The following NRG1 variants were observed in gnomAD, a reference collection of about 807,000 sequenced individuals.
NRG1 encodes neuregulin 1, also known as pro-neuregulin-1, membrane-bound isoform.
In NRG1, 18 loss-of-function variants were observed where a neutral mutation model predicts 63.8. The ratio of observed to expected loss-of-function variants is 0.28; its 90% CI spans 0.19 to 0.42. The LOEUF (loss-of-function observed/expected upper bound fraction) is 0.42. Ranked by LOEUF, NRG1 falls within the 10% of genes least tolerant of loss-of-function variation. The probability of loss-of-function intolerance (pLI) is 1.00; values close to 1 mark genes in which losing one functional copy is unlikely to be tolerated. For missense variants in NRG1, 762 were observed against 814.7 expected (o/e 0.94, Z 0.79); for synonymous variants, 302 against 301.3 (o/e 1.00, Z -0.02).
At chr8:32,771,715 A>AAAAAAAAAAAAT (rs1343943621), downstream of NRG1, among the ~76,000 whole-genome samples, 14 of 111,844 alleles carry the variant, frequency 1.3e-4, no homozygotes, top group Admixed American at 1.9e-4. Context: ...TTAAAAAAAA[A>AAAAAAAAAAAAT]ATATATATAT....
rs1821214601 is a variant in NRG1 at position 32,453,424 on chromosome 8, T to C, written c.38-142404T>C. The stretch of plus-strand genomic sequence containing the variant: ...CATAAACAAGCAGTAAATCACCGTA[T>C]AAGGGGTGTATGCATTAGGGCCTCC... On this transcript the variant is annotated intron_variant, in intron 1 of 10. Transcript: ENST00000519301. 2.6e-5 allele frequency among the ~76,000 whole-genome samples: 4 copies of C among 152,170 alleles called. No individual in the cohort carries two copies. In the South Asian group the frequency reaches 8.3e-4, roughly 31 times the overall value.
chr8:32,202,149 G>T (rs546613920), intron 1 of NRG1, among the ~76,000 whole-genome samples: 2 of 152,178 alleles, frequency 1.3e-5, no homozygotes, highest in African/African-American at 2.4e-5. Context: ...TTATAATATG[G>T]AACACTACTG....
chr8:32,017,562 G>A lies in NRG1; in HGVS notation c.37+378131G>A, dbSNP rs138640933. ...GCTTCACATGGCAGTCACAGGCCCTGGGTTGTTTTACATGCGCTTCTGACC... is the reference window on the plus strand; with the variant it reads ...GCTTCACATGGCAGTCACAGGCCCTAGGTTGTTTTACATGCGCTTCTGACC... On this transcript the variant is annotated intron_variant, in intron 1 of 10. Coordinates refer to the NRG1 transcript ENST00000519301. Among the ~76,000 whole-genome samples the A allele has an allele frequency of 1.1e-3, 174 of 152,274 alleles. 1 individual carries two copies. Among genetic ancestry groups the A allele is most frequent in the African/African-American group, 4.1e-3 (172 of 41,568 alleles).
intron 1 of NRG1, among the ~76,000 whole-genome samples, chr8:32,048,493 G>C (rs1236338977): frequency 1.4e-5 from 2 of 141,432 alleles, no homozygotes; most frequent in African/African-American, 5.3e-5. Context: ...ATAGTGGTGG[G>C]ATTGCTGGAT....
chr8:31,862,186 C>T (rs1185896208), intron 1 of NRG1, among the ~76,000 whole-genome samples: 1 of 152,122 alleles, frequency 6.6e-6, no homozygotes, highest in Non-Finnish European at 1.5e-5. Context: ...GAGCAGATAC[C>T]TCTTTACTTT....
intron 1 of NRG1, among the ~76,000 whole-genome samples, chr8:32,444,561 C>T (rs528460622): frequency 7.2e-5 from 11 of 152,278 alleles, no homozygotes; most frequent in African/African-American, 2.6e-4. Context: ...GTAACATGAA[C>T]TAAATCATTA....
intron 1 of NRG1, among the ~76,000 whole-genome samples, chr8:32,326,338 G>T (rs1173719455): frequency 6.2e-5 from 9 of 144,064 alleles, no homozygotes; most frequent in African/African-American, 2.1e-4. Context: ...TTGAGACAAG[G>T]TCTCACTCTG....
At chr8:32,265,095 T>C (rs1850778904) in intron 1 of NRG1, among the ~76,000 whole-genome samples, 1 of 152,116 alleles carries the variant, frequency 6.6e-6, no homozygotes, top group Admixed American at 6.6e-5. Context: ...CCAAGCACTG[T>C]GGGAGGCCAA....
intron 1 of NRG1, among the ~76,000 whole-genome samples, chr8:31,771,477 A>G (rs1232949961): frequency 1.3e-5 from 2 of 152,132 alleles, no homozygotes; most frequent in African/African-American, 4.8e-5. Context: ...GTGTATCTGT[A>G]TCATTTAAGA....
intron 1 of NRG1, among the ~76,000 whole-genome samples, chr8:32,579,195 CTTTTTTTTTT>C (rs71208196): frequency 4.7e-5 from 5 of 105,440 alleles, no homozygotes; most frequent in Non-Finnish European, 7.8e-5. Flanking sequence ...TTTCTTCTGT[CTTTTTTTTTT>C]TTTTTTTTTT....
intron 1 of NRG1, among the ~76,000 whole-genome samples, chr8:32,552,152 A>C (rs914432379): frequency 6.7e-6 from 1 of 149,208 alleles, no homozygotes; most frequent in African/African-American, 2.5e-5. Context: ...CTCGCAATCC[A>C]CATGCCTCGG....
At chr8:31,918,683 T>C (rs148950962) in intron 1 of NRG1, among the ~76,000 whole-genome samples, 18,404 of 152,074 alleles carry the variant, frequency 0.12, 1,267 homozygotes, top group Admixed American at 0.19. Flanking sequence ...TGTGTCTCTG[T>C]CCGGCTTTGG....
At chr8:32,722,087 A>T in intron 5 of NRG1, 1 of 1,415,646 alleles carries the variant, frequency 7.1e-7, no homozygotes. Context: ...CTAGCAGTTT[A>T]ATATTCAAAC....
chr8:31,994,389 A>C (rs1258634345), intron 1 of NRG1, among the ~76,000 whole-genome samples: 1 of 151,908 alleles, frequency 6.6e-6, no homozygotes, highest in African/African-American at 2.4e-5. Context: ...GCAGTGGTTC[A>C]TACCTGCAAT....
Position 32,075,651 on chromosome 8 carries a change from C to CT in NRG1, c.37+436259dup, listed in dbSNP as rs200354474. ...TAATATTATTTTTTAATATTTTAAC[C>CT]TTTTTTTTTTTTTTTTTTTTTTTTT... On this transcript the variant is annotated intron_variant, in intron 1 of 10. Coordinates refer to the NRG1 transcript ENST00000519301. Among the ~76,000 whole-genome samples the CT allele has an allele frequency of 3.0e-4, 45 of 150,388 alleles. 3 individuals are homozygous for CT. The highest frequency in any genetic ancestry group is 1.1e-3 in the African/African-American group (44 of 40,320).
intron 1 of NRG1, among the ~76,000 whole-genome samples, chr8:32,474,470 C>T (rs927202251): frequency 4.3e-5 from 4 of 93,518 alleles, no homozygotes; most frequent in African/African-American, 1.6e-4. Context: ...CTGGTTCTGC[C>T]TTGGACTGCT....
chr8:32,197,037 G>A (rs1435678334), intron 1 of NRG1, among the ~76,000 whole-genome samples: 1 of 132,946 alleles, frequency 7.5e-6, no homozygotes, highest in East Asian at 2.4e-4. Flanking sequence ...TTGGCTCACT[G>A]CAACCTTCGC....
chr8:32,755,928 G>C (rs1829595994), intron 8 of NRG1, among the ~76,000 whole-genome samples: 1 of 151,992 alleles, frequency 6.6e-6, no homozygotes, highest in Admixed American at 6.6e-5. Flanking sequence ...TTTTTGTAGA[G>C]ACAGGACTTC....
At chr8:32,614,971 A>G (rs1188877001) in intron 4 of NRG1, among the ~76,000 whole-genome samples, 1 of 152,094 alleles carries the variant, frequency 6.6e-6, no homozygotes, top group Non-Finnish European at 1.5e-5. Flanking sequence ...TTGGGTTTCT[A>G]ATAATCAGTT....
Sources: allele counts gnomAD v4.1 joint callset (sites outside exome capture counted in the v4.1 genomes callset), GRCh38; gene constraint gnomAD v4.1.1; transcripts MANE v1.5; gene names NCBI Gene and HGNC (gene_info 2026-07-23, HGNC 2026-07-21).